Variants in TNR observed in about 807,000 individuals in gnomAD.
The protein encoded by TNR is tenascin R, also known as tenascin-R.
Under a neutral mutation model 150.4 loss-of-function variants are expected in TNR, and 45 were observed. The observed-to-expected ratio is 0.30, with a 90% CI of 0.24 to 0.38. TNR has a LOEUF of 0.38. Among genes scored for constraint, TNR ranks in the 10% least tolerant of loss-of-function variants. The pLI is 1.00. For missense variants in TNR, 1,544 were observed against 1,759.1 expected (o/e 0.88, Z 2.19); for synonymous variants, 687 against 678.4 (o/e 1.01, Z -0.20).
At chr1:175,463,002 C>T (rs1046160328) in intron 2 of TNR, among the ~76,000 whole-genome samples, 5 of 152,090 alleles carry the variant, frequency 3.3e-5, no homozygotes, top group Admixed American at 6.5e-5. Context: ...TGTAGAATGT[C>T]GAATTGTGTT....
intron 9 of TNR, among the ~76,000 whole-genome samples, chr1:175,379,324 A>G (rs945960961): frequency 6.6e-6 from 1 of 152,202 alleles, no homozygotes. Flanking sequence ...GTGCCACTGC[A>G]CTCCAGCCTG....
At chr1:175,427,746 CCT>C (rs1655068873) in intron 2 of TNR, among the ~76,000 whole-genome samples, 1 of 144,772 alleles carries the variant, frequency 6.9e-6, no homozygotes. Flanking sequence ...TTCCTTCCTT[CCT>C]TCCTTCCCTT....
intron 1 of TNR, among the ~76,000 whole-genome samples, chr1:175,657,853 G>GTATATATATATATATA (rs59315046): frequency 6.8e-4 from 48 of 70,472 alleles, no homozygotes; most frequent in African/African-American, 2.3e-3. Context: ...CATGGAACAT[G>GTATATATATATATATA]TATATATATA....
In TNR at chr1:175,365,289, A is replaced by T; in HGVS notation, c.2318-10T>A. Reference sequence around the variant, plus strand: ...GAGATGGGACGGAAGCCTGCAAAGCAAAGGAGATGGATGGTCCTGAAACAC... The same window carrying T: ...GAGATGGGACGGAAGCCTGCAAAGCTAAGGAGATGGATGGTCCTGAAACAC... On this transcript the variant is annotated splice_polypyrimidine_tract_variant and intron_variant, in intron 11 of 22. Transcript: ENST00000367674. The T allele has an allele frequency of 6.3e-7, 1 of 1,591,354 alleles. No homozygotes were observed. The highest frequency in any genetic ancestry group is 8.6e-7 in the Non-Finnish European group (1 of 1,166,340).
At chr1:175,701,619 C>T (rs1298246617) in intron 1 of TNR, among the ~76,000 whole-genome samples, 2 of 152,188 alleles carry the variant, frequency 1.3e-5, no homozygotes, top group Non-Finnish European at 2.9e-5. Context: ...CTCAAATTTA[C>T]CCACTAATGA....
chr1:175,564,380 TG>T, intron 1 of TNR, among the ~76,000 whole-genome samples: 1 of 152,342 alleles, frequency 6.6e-6, no homozygotes, highest in East Asian at 1.9e-4. Context: ...GGGCCTTTTG[TG>T]GTTTACAGGA....
chr1:175,332,530 C>T (rs145141390), intron 20 of TNR, among the ~76,000 whole-genome samples: 11 of 152,278 alleles, frequency 7.2e-5, no homozygotes, highest in African/African-American at 2.4e-4. Flanking sequence ...CTACACCACA[C>T]CAGGCCTAGC....
chr1:175,462,373 T>C (rs192378070), intron 2 of TNR, among the ~76,000 whole-genome samples: 3 of 152,336 alleles, frequency 2.0e-5, no homozygotes, highest in East Asian at 1.9e-4. Flanking sequence ...CTCAGGCTTC[T>C]TGTGTGTACC....
intron 9 of TNR, among the ~76,000 whole-genome samples, chr1:175,375,238 AG>A (rs2102021728): frequency 6.6e-6 from 1 of 151,246 alleles, no homozygotes; most frequent in South Asian, 2.1e-4. Flanking sequence ...ACATGGTGCC[AG>A]GTTCTAATCT....
intron 2 of TNR, among the ~76,000 whole-genome samples, chr1:175,497,837 A>C (rs940689728): frequency 2.0e-5 from 3 of 152,156 alleles, no homozygotes; most frequent in Admixed American, 1.3e-4. Context: ...AGGTGGGCAG[A>C]TCATCTTAGG....
chr1:175,335,873 G>C, intron 19 of TNR, 66 bp from the exon 20 acceptor site: 1 of 1,400,504 alleles, frequency 7.1e-7, no homozygotes, highest in Non-Finnish European at 1.0e-6. Flanking sequence ...AGATGCTAAG[G>C]AAAATAAACT....
intron 1 of TNR, among the ~76,000 whole-genome samples, chr1:175,623,030 G>T (rs187330018): frequency 1.3e-5 from 2 of 152,144 alleles, no homozygotes; most frequent in Admixed American, 6.6e-5. Context: ...TCCAAATAAG[G>T]TTACATTTTG....
chr1:175,608,481 G>T (rs578246040), intron 1 of TNR, among the ~76,000 whole-genome samples: 1 of 152,142 alleles, frequency 6.6e-6, no homozygotes, highest in Non-Finnish European at 1.5e-5. Context: ...GGATAGGCAA[G>T]GATTTATTAA....
chr1:175,381,685 G>A (rs1297468751), intron 8 of TNR, among the ~76,000 whole-genome samples: 2 of 152,214 alleles, frequency 1.3e-5, no homozygotes, highest in African/African-American at 4.8e-5. Flanking sequence ...CAGATGTCTA[G>A]TGGAGGCTGT....
intron 1 of TNR, among the ~76,000 whole-genome samples, chr1:175,691,334 G>C (rs1047366797): frequency 6.6e-6 from 1 of 151,962 alleles, no homozygotes; most frequent in Non-Finnish European, 1.5e-5. Flanking sequence ...AGGAGGAAGA[G>C]GAAGGTAGTA....
At chr1:175,325,471 G>T (rs1649323567) in intron 21 of TNR, among the ~76,000 whole-genome samples, 1 of 152,186 alleles carries the variant, frequency 6.6e-6, no homozygotes, top group Non-Finnish European at 1.5e-5. Flanking sequence ...GATTCCTCAA[G>T]GATCTAGAAC....
intron 2 of TNR, among the ~76,000 whole-genome samples, chr1:175,411,302 A>G (rs140673238): frequency 6.6e-6 from 1 of 152,156 alleles, no homozygotes; most frequent in South Asian, 2.1e-4. Flanking sequence ...GCATCAGATG[A>G]GCGATTGGGC....
chr1:175,571,987 A>C (rs1049932386), intron 1 of TNR, among the ~76,000 whole-genome samples: 2 of 152,098 alleles, frequency 1.3e-5, no homozygotes, highest in Non-Finnish European at 2.9e-5. Context: ...ATAAGGAAAC[A>C]AACACCCTAG....
rs573818566 is a variant in TNR at position 175,649,997 on chromosome 1, T to C, written c.-165+93229A>G. ...ATGTGTTAAAACGACAAAAGATTAATCTTAAAAATAAATAGAGCAAAGCAT... is the reference window on the plus strand; with the variant it reads ...ATGTGTTAAAACGACAAAAGATTAACCTTAAAAATAAATAGAGCAAAGCAT... On this transcript the variant is annotated intron_variant, in intron 1 of 22. Coordinates refer to ENST00000367674, the MANE Select transcript of TNR (RefSeq NM_003285.3). Among the ~76,000 whole-genome samples, 472 of 152,260 alleles carry C rather than the reference T, an allele frequency of 3.1e-3. 2 individuals carry two copies. The highest frequency in any genetic ancestry group is 0.011 in the African/African-American group (456 of 41,556).
Sources: gnomAD v4.1 joint callset for allele counts (sites outside exome capture counted in the v4.1 genomes callset) on GRCh38, gnomAD v4.1.1 for gene constraint, MANE v1.5 for transcripts, NCBI Gene and HGNC (gene_info 2026-07-23, HGNC 2026-07-21) for gene names.